Variants in GABRA4 observed in about 807,000 individuals in gnomAD.
GABRA4 encodes gamma-aminobutyric acid receptor subunit alpha-4.
GABRA4 carries 12 observed loss-of-function variants against 49.7 expected under a neutral mutation model. That is an observed-to-expected ratio of 0.24 (90% CI 0.15 to 0.39). The LOEUF (loss-of-function observed/expected upper bound fraction) is 0.39, where lower values mean the gene tolerates loss of function less well. GABRA4 is among the 10% of genes least tolerant of loss of function. The pLI, the probability that GABRA4 is intolerant of heterozygous loss-of-function variation, is 1.00. For synonymous variants in GABRA4, 288 were observed against 240.2 expected, an observed-to-expected ratio of 1.20 and a Z score of -1.84; for missense variants, 506 against 686.0, an observed-to-expected ratio of 0.74 and a Z score of 2.93.
chr4:46,946,495 T>C (rs1721986322), intron 8 of GABRA4, among the ~76,000 whole-genome samples: 1 of 152,112 alleles, frequency 6.6e-6, no homozygotes, highest in South Asian at 2.1e-4. Flanking sequence ...CCATCAAGTA[T>C]TGTGTAGCCT....
chr4:46,949,014 G>A lies in GABRA4; in HGVS notation c.1134+15956C>T, dbSNP rs571985099. ...CAGTATTTAAAGACAGTATTTAACC[G>A]TCTTACATTATAGAACAATTGGCCT... On this transcript the variant is annotated intron_variant, in intron 8 of 8. Coordinates refer to ENST00000264318, the MANE Select transcript of GABRA4 (RefSeq NM_000809.4). Among the ~76,000 whole-genome samples, 60 of 152,150 alleles carry A rather than the reference G, an allele frequency of 3.9e-4. 1 individual carries two copies. The highest frequency in any genetic ancestry group is 1.2e-3 in the African/African-American group (49 of 41,536).
At chr4:46,946,352 G>A (rs1224048792) in intron 8 of GABRA4, among the ~76,000 whole-genome samples, 3 of 152,068 alleles carry the variant, frequency 2.0e-5, no homozygotes, top group Admixed American at 6.6e-5. Flanking sequence ...TATATAGAGC[G>A]TGAGTCACTA....
intron 2 of GABRA4, among the ~76,000 whole-genome samples, chr4:46,982,380 GAC>G (rs143405262): frequency 6.6e-6 from 1 of 150,528 alleles, no homozygotes; most frequent in Non-Finnish European, 1.5e-5. Context: ...TTAGGACACA[GAC>G]ACACACACAC....
At position 46,978,644 on chromosome 4, in the gene GABRA4, G is replaced by A. The variant is rs1323897092; in HGVS notation, c.273+387C>T. Among the ~76,000 whole-genome samples the A allele has an allele frequency of 2.9e-4, 34 of 117,162 alleles. 1 individual carries two copies. The highest frequency in any genetic ancestry group is 4.7e-4 in the Non-Finnish European group (29 of 62,184). 76.9% of individuals were successfully genotyped at this position (117,162 alleles called of 152,430 possible). Reference sequence around the variant, plus strand: ...GGAGGTTGCAGTGAGCAAAGATCCCGCCATTGTACTCCAGCCTGGGCAACA... The same window carrying A: ...GGAGGTTGCAGTGAGCAAAGATCCCACCATTGTACTCCAGCCTGGGCAACA... On this transcript the variant is annotated intron_variant, in intron 3 of 8. Coordinates refer to ENST00000264318, the MANE Select transcript of GABRA4 (RefSeq NM_000809.4).
chr4:46,928,271 A>G lies in GABRA4; in HGVS notation c.1619T>C (p.Val540Ala). Residue 540 changes from valine to alanine, a missense_variant, in exon 9 of 9, where the codon GTT (valine) becomes GCT (alanine). Transcript: ENST00000264318. ...FGAFNMVYWV[V>A]YLSKDTMEKS... ...CTCCATAGTGTCCTTAGATAAATAA[A>G]CAACCCAATAAACCATGTTAAATGC... 1 of 1,612,962 alleles carries G rather than the reference A, an allele frequency of 6.2e-7. No homozygotes were observed. Among genetic ancestry groups the G allele is most frequent in the East Asian group, 2.2e-5 (1 of 44,862 alleles).
At chr4:46,985,674 T>C (rs537175359) in intron 2 of GABRA4, among the ~76,000 whole-genome samples, 25 of 152,134 alleles carry the variant, frequency 1.6e-4, no homozygotes, top group African/African-American at 5.3e-4. Context: ...TTTTCTAATA[T>C]CCCATAATCT....
chr4:46,957,891 TA>T (rs1196741829), intron 8 of GABRA4, among the ~76,000 whole-genome samples: 1 of 152,002 alleles, frequency 6.6e-6, no homozygotes, highest in East Asian at 1.9e-4. Flanking sequence ...AAGTATAGAC[TA>T]AATGTAAAAG....
intron 7 of GABRA4, among the ~76,000 whole-genome samples, chr4:46,969,298 T>C (rs1370595207): frequency 6.6e-6 from 1 of 151,544 alleles, no homozygotes; most frequent in African/African-American, 2.4e-5. Flanking sequence ...GCGTAAAATA[T>C]AATAGAAACT....
chr4:46,946,708 A>G (rs541048820), intron 8 of GABRA4, among the ~76,000 whole-genome samples: 1 of 152,274 alleles, frequency 6.6e-6, no homozygotes, highest in African/African-American at 2.4e-5. Context: ...TTAGTCTTTT[A>G]ACAAATATCT....
intron 8 of GABRA4, among the ~76,000 whole-genome samples, chr4:46,963,631 T>G (rs1002491383): frequency 1.3e-5 from 2 of 151,706 alleles, no homozygotes; most frequent in African/African-American, 2.4e-5. Flanking sequence ...TGATCAGCAG[T>G]GTGAAAATGG....
At chr4:46,954,656 G>T (rs1333650054) in intron 8 of GABRA4, among the ~76,000 whole-genome samples, 1 of 151,876 alleles carries the variant, frequency 6.6e-6, no homozygotes, top group Non-Finnish European at 1.5e-5. Context: ...TGTGAATTTA[G>T]ACATAATCTT....
rs115643308 is a variant in GABRA4 at position 46,930,655 on chromosome 4, A to G, written c.1135-1900T>C. Among the ~76,000 whole-genome samples the G allele has an allele frequency of 8.6e-3, 1,308 of 152,016 alleles. 7 individuals carry two copies. The highest frequency in any genetic ancestry group is 0.013 in the Non-Finnish European group (863 of 67,934). ...AATACATTTTTTTTTCAAATATAATATGATAGTTGCATACCATCTTCTTCT... is the reference window on the plus strand; with the variant it reads ...AATACATTTTTTTTTCAAATATAATGTGATAGTTGCATACCATCTTCTTCT... On this transcript the variant is annotated intron_variant, in intron 8 of 8. Transcript: ENST00000264318.
At chr4:46,982,929 T>C (rs1577793828) in intron 2 of GABRA4, among the ~76,000 whole-genome samples, 1 of 152,006 alleles carries the variant, frequency 6.6e-6, no homozygotes, top group Admixed American at 6.6e-5. Flanking sequence ...TCACAGGGTG[T>C]CGGTATTTTC....
intron 8 of GABRA4, among the ~76,000 whole-genome samples, chr4:46,931,101 T>C (rs879771839): frequency 3.3e-5 from 5 of 151,970 alleles, no homozygotes; most frequent in East Asian, 1.9e-4. Context: ...AGAGTCCCCA[T>C]TGAGTATTTT....
intron 8 of GABRA4, among the ~76,000 whole-genome samples, chr4:46,947,455 A>G (rs1196463381): frequency 6.6e-6 from 1 of 152,032 alleles, no homozygotes; most frequent in Non-Finnish European, 1.5e-5. Context: ...AACATATTCC[A>G]GTTTAAAATG....
intron 7 of GABRA4, among the ~76,000 whole-genome samples, chr4:46,966,276 C>T (rs1050148892): frequency 2.0e-5 from 3 of 151,656 alleles, no homozygotes; most frequent in South Asian, 2.1e-4. Flanking sequence ...ACACACAACA[C>T]ATTTGGGGAT....
At chr4:46,948,497 C>A (rs943702843) in intron 8 of GABRA4, among the ~76,000 whole-genome samples, 8 of 152,060 alleles carry the variant, frequency 5.3e-5, no homozygotes, top group African/African-American at 1.9e-4. Context: ...TGTGCTCACT[C>A]TACTGTGCTG....
intron 7 of GABRA4, among the ~76,000 whole-genome samples, chr4:46,970,818 A>G (rs1722927647): frequency 6.6e-6 from 1 of 151,562 alleles, no homozygotes; most frequent in South Asian, 2.1e-4. Flanking sequence ...ACTGAAAGTG[A>G]GATTATGTCC....
intron 8 of GABRA4, among the ~76,000 whole-genome samples, chr4:46,948,612 C>T (rs895392720): frequency 6.6e-6 from 1 of 152,026 alleles, no homozygotes; most frequent in African/African-American, 2.4e-5. Flanking sequence ...GTACTGAATT[C>T]GGTCTATCAA....
Sources: gnomAD v4.1 joint callset for allele counts (sites outside exome capture counted in the v4.1 genomes callset) on GRCh38, gnomAD v4.1.1 for gene constraint, MANE v1.5 for transcripts, NCBI Gene and HGNC (gene_info 2026-07-23, HGNC 2026-07-21) for gene names.